IGSF11: variants seen among roughly 807,000 people sequenced by gnomAD.
IGSF11 encodes immunoglobulin superfamily member 11.
Under a neutral mutation model 41.0 loss-of-function variants are expected in IGSF11, and 22 were observed. The ratio of observed to expected loss-of-function variants is 0.54; its 90% confidence interval spans 0.38 to 0.77. IGSF11 has a LOEUF of 0.77. IGSF11 is among the 30% of genes least tolerant of loss of function. IGSF11 has a pLI of 0.00. For synonymous variants in IGSF11, 219 were observed against 201.3 expected (o/e 1.09, Z -0.74); for missense variants, 444 against 530.8 (o/e 0.84, Z 1.61).
At chr3:119,111,338 A>C (rs2077155223) in intron 1 of IGSF11, among the ~76,000 whole-genome samples, 1 of 151,856 alleles carries the variant, frequency 6.6e-6, no homozygotes, top group Non-Finnish European at 1.5e-5. Context: ...CATTTCATTC[A>C]TTTCATCTTC....
At chr3:118,940,328 C>T (rs1004443386) in intron 1 of IGSF11, among the ~76,000 whole-genome samples, 2 of 152,190 alleles carry the variant, frequency 1.3e-5, no homozygotes, top group Non-Finnish European at 2.9e-5. Flanking sequence ...ATGAGTTTAG[C>T]AAGGTTTCAG....
Position 118,902,452 on chromosome 3 carries a change from A to AC in IGSF11, c.*67dup. 3.8e-5 allele frequency: 11 copies of AC among 289,470 alleles called. No individual in the cohort carries two copies. Among genetic ancestry groups the AC allele is most frequent in the South Asian group, 8.7e-5 (3 of 34,498 alleles). 17.9% of individuals were successfully genotyped at this position (289,470 alleles called of 1,614,324 possible). A position where few individuals can be genotyped will look rare whatever the true frequency, so the allele number is the denominator to read the frequency against. On this transcript the variant is annotated 3_prime_UTR_variant, in exon 7 of 7. Coordinates refer to ENST00000393775, the MANE Select transcript of IGSF11 (RefSeq NM_001015887.3). ...AAGTGTTTCTTTCCCAGCACTCCCC[A>AC]CCCCACCCTCCCCCTTGTATGAGGG...
rs186339534 is a variant in IGSF11 at position 119,141,386 on chromosome 3, C to T, written c.-14+4427G>A. 2.0e-5 allele frequency among the ~76,000 whole-genome samples: 3 copies of T among 150,926 alleles called. No homozygotes were observed. The East Asian group carries it at 5.8e-4, about 29-fold the overall frequency. ...TATAAAAAAGAGCAAACTATACCCA[C>T]ACCAAGCAGAAGGAATGAAATAATA... On this transcript the variant is annotated intron_variant, in intron 1 of 7. Coordinates refer to the IGSF11 transcript ENST00000425327.
intron 1 of IGSF11, among the ~76,000 whole-genome samples, chr3:119,142,217 C>G (rs1479718304): frequency 9.0e-5 from 13 of 144,234 alleles, no homozygotes; most frequent in Non-Finnish European, 1.5e-5. Flanking sequence ...GGAGCTTGCA[C>G]TGAGCCGAGA....
chr3:119,088,587 GA>G (rs1415056218), intron 1 of IGSF11, among the ~76,000 whole-genome samples: 3 of 151,948 alleles, frequency 2.0e-5, no homozygotes, highest in Non-Finnish European at 4.4e-5. Context: ...AAGAAAAGAA[GA>G]AAAAACTAAA....
At chr3:119,043,110 A>G (rs1941185356) in intron 1 of IGSF11, among the ~76,000 whole-genome samples, 2 of 152,190 alleles carry the variant, frequency 1.3e-5, no homozygotes, top group Admixed American at 1.3e-4. Context: ...CTTGATTTGG[A>G]TGAACCCGGG....
chr3:119,059,616 T>C (rs1669826866), intron 1 of IGSF11, among the ~76,000 whole-genome samples: 1 of 152,170 alleles, frequency 6.6e-6, no homozygotes, highest in Non-Finnish European at 1.5e-5. Context: ...GGAAAGGGTA[T>C]TGGTGGATGT....
intron 1 of IGSF11, among the ~76,000 whole-genome samples, chr3:119,141,042 TAAAAAAA>T (rs35323898): frequency 1.0e-5 from 1 of 99,774 alleles, no homozygotes; most frequent in African/African-American, 4.1e-5. Context: ...TCTGTCTCAT[TAAAAAAA>T]AAAAAAAAAA....
At chr3:119,053,815 A>G (rs148716407) in intron 1 of IGSF11, among the ~76,000 whole-genome samples, 1 of 152,332 alleles carries the variant, frequency 6.6e-6, no homozygotes, top group African/African-American at 2.4e-5. Context: ...TTATAAGTAC[A>G]AGCATATAGA....
intron 1 of IGSF11, among the ~76,000 whole-genome samples, chr3:119,103,907 A>G (rs1426217993): frequency 6.6e-6 from 1 of 152,182 alleles, no homozygotes; most frequent in East Asian, 1.9e-4. Context: ...GTATCTGCCA[A>G]TACTCCTCTT....
At chr3:119,041,220 TGTTA>T (rs1260603863) in intron 1 of IGSF11, among the ~76,000 whole-genome samples, 1 of 152,154 alleles carries the variant, frequency 6.6e-6, no homozygotes, top group East Asian at 1.9e-4. Context: ...ACTTTGAAAA[TGTTA>T]GTTAACAAAA....
upstream of IGSF11, among the ~76,000 whole-genome samples, chr3:119,109,762 T>C (rs1230894622): frequency 2.0e-5 from 3 of 152,198 alleles, no homozygotes; most frequent in African/African-American, 7.2e-5. Flanking sequence ...CTGCTTTGAA[T>C]GTGTCCCAGA....
chr3:118,945,256 T>A (rs991881870), intron 1 of IGSF11, among the ~76,000 whole-genome samples: 1 of 152,212 alleles, frequency 6.6e-6, no homozygotes, highest in Non-Finnish European at 1.5e-5. Flanking sequence ...CCTAGTCATA[T>A]AATCGTCCCA....
At position 118,998,388 on chromosome 3, in the gene IGSF11, G is replaced by A. The variant is rs17281500; in HGVS notation, c.52+36143C>T. On this transcript the variant is annotated intron_variant, in intron 1 of 6. Transcript: ENST00000393775. ...GTTAAATCCTGAAACTTCAACTCAA[G>A]ATGACTTTTACCAGCTCTGTATATT... 7.8e-3 allele frequency among the ~76,000 whole-genome samples: 1,193 copies of A among 152,134 alleles called. 10 individuals carry two copies. The highest frequency in any genetic ancestry group is 0.014 in the Non-Finnish European group (921 of 67,974).
chr3:119,051,096 T>C (rs1356637016), intron 1 of IGSF11, among the ~76,000 whole-genome samples: 1 of 151,628 alleles, frequency 6.6e-6, no homozygotes, highest in African/African-American at 2.4e-5. Flanking sequence ...TGTATACATA[T>C]GTAACTAACG....
intron 1 of IGSF11, among the ~76,000 whole-genome samples, chr3:118,987,436 A>C (rs756723349): frequency 1.3e-5 from 2 of 152,206 alleles, no homozygotes; most frequent in Non-Finnish European, 2.9e-5. Flanking sequence ...CAAGCTCAGG[A>C]GTAAGGACTA....
intron 1 of IGSF11, among the ~76,000 whole-genome samples, chr3:119,124,393 A>T (rs1389163411): frequency 6.6e-6 from 1 of 150,394 alleles, no homozygotes; most frequent in Non-Finnish European, 1.5e-5. Context: ...CAGCCTCCCA[A>T]GCAGCTAGGA....
At chr3:118,968,230 C>T (rs573572370) in intron 1 of IGSF11, among the ~76,000 whole-genome samples, 1 of 152,212 alleles carries the variant, frequency 6.6e-6, no homozygotes, top group South Asian at 2.1e-4. Flanking sequence ...GGGAAACCAA[C>T]GCACGACTAG....
intron 1 of IGSF11, among the ~76,000 whole-genome samples, chr3:119,136,886 C>T (rs188321161): frequency 4.7e-4 from 72 of 152,002 alleles, no homozygotes; most frequent in African/African-American, 1.7e-3. Flanking sequence ...AGTAAAGATG[C>T]AAAATACAAA....
Sources: gnomAD v4.1 joint callset for allele counts (sites outside exome capture counted in the v4.1 genomes callset) on GRCh38, gnomAD v4.1.1 for gene constraint, MANE v1.5 for transcripts, NCBI Gene and HGNC (gene_info 2026-07-23, HGNC 2026-07-21) for gene names.